MTMR7: variants seen among roughly 807,000 people sequenced by gnomAD.
MTMR7 encodes phosphatidylinositol-3-phosphate phosphatase MTMR7.
A neutral mutation model predicts 81.2 loss-of-function variants in MTMR7; 76 were observed. The ratio of observed to expected loss-of-function variants is 0.94; its 90% CI spans 0.78 to 1.13. The LOEUF is 1.13. Among genes scored for constraint, MTMR7 ranks in the 50% most tolerant of loss-of-function variants. The pLI is 0.00. For missense variants in MTMR7, 1,044 were observed against 820.0 expected (o/e 1.27, Z -3.34); for synonymous variants, 372 against 289.8 (o/e 1.28, Z -2.88).
At chr8:17,375,704 T>C (rs1164329470) in intron 1 of MTMR7, among the ~76,000 whole-genome samples, 2 of 152,188 alleles carry the variant, frequency 1.3e-5, no homozygotes, top group Non-Finnish European at 2.9e-5. Context: ...TACCAAACTT[T>C]TAAAAATTAA....
intron 1 of MTMR7, among the ~76,000 whole-genome samples, chr8:17,382,731 A>G (rs1306334668): frequency 6.6e-6 from 1 of 152,228 alleles, no homozygotes; most frequent in East Asian, 1.9e-4. Context: ...AGACCACTAC[A>G]GTAATGAGAA....
chr8:17,338,933 G>A (rs1819331677), intron 6 of MTMR7: 1 of 151,312 alleles, frequency 6.6e-6, no homozygotes, highest in African/African-American at 2.4e-5. Context: ...TGTGTGCTTT[G>A]CTCCGAAGAA....
chr8:17,301,114 A>C (rs1323372187), intron 13 of MTMR7, among the ~76,000 whole-genome samples: 1 of 152,244 alleles, frequency 6.6e-6, no homozygotes, highest in Non-Finnish European at 1.5e-5. Context: ...AGTATTATGT[A>C]TTCATTCAAA....
intron 13 of MTMR7, among the ~76,000 whole-genome samples, chr8:17,300,493 T>G (rs1238351515): frequency 6.6e-6 from 1 of 152,206 alleles, no homozygotes; most frequent in Non-Finnish European, 1.5e-5. Flanking sequence ...CAGTGAACCC[T>G]AGTCTCCCTC....
intron 7 of MTMR7, among the ~76,000 whole-genome samples, chr8:17,327,269 A>G (rs142510646): frequency 2.0e-5 from 3 of 152,128 alleles, no homozygotes; most frequent in African/African-American, 4.8e-5. Context: ...AGGCATGTCT[A>G]TATCTTATTT....
rs1036921024 is a variant in MTMR7 at position 17,297,392 on chromosome 8, G to A, written c.*2470C>T. The A allele has an allele frequency of 1.3e-5, 2 of 152,022 alleles. No individual in the cohort carries two copies. The highest frequency in any genetic ancestry group is 4.8e-5 in the African/African-American group (2 of 41,414). The allele number at this position is 152,022 out of a possible 1,614,324, so 9.4% of individuals were successfully genotyped here. On this transcript the variant is annotated 3_prime_UTR_variant, in exon 14 of 14. Coordinates refer to ENST00000180173, the MANE Select transcript of MTMR7 (RefSeq NM_004686.5). ...TAGAGGGTGCTTGACACATATATAT[G>A]CTTAAATTGAAGGACAGCTCAGATT...
At chr8:17,399,577 A>G (rs538696703) in intron 1 of MTMR7, among the ~76,000 whole-genome samples, 1 of 152,306 alleles carries the variant, frequency 6.6e-6, no homozygotes, top group East Asian at 1.9e-4. Context: ...CAAATTCAAT[A>G]CAATCCCTAT....
At chr8:17,343,198 G>C (rs186548764) in intron 5 of MTMR7, among the ~76,000 whole-genome samples, 5 of 152,134 alleles carry the variant, frequency 3.3e-5, no homozygotes, top group East Asian at 1.9e-4. Context: ...AGGCCGAGGC[G>C]GGGGGATAAC....
intron 6 of MTMR7, among the ~76,000 whole-genome samples, chr8:17,338,270 C>T (rs1169555665): frequency 6.6e-6 from 1 of 152,216 alleles, no homozygotes; most frequent in Admixed American, 6.5e-5. Context: ...CCCTTCAAAT[C>T]AAATCCTTTG....
Position 17,366,887 on chromosome 8 carries a change from A to AAAAAAACAAACAAAC in MTMR7, c.310+4149_310+4150insGTTTGTTTGTTTTTT, listed in dbSNP as rs1554515172. Among the ~76,000 whole-genome samples the AAAAAAACAAACAAAC allele has an allele frequency of 2.0e-4, 29 of 146,118 alleles. 1 individual carries two copies. The highest frequency in any genetic ancestry group is 6.8e-4 in the African/African-American group (27 of 39,468). On this transcript the variant is annotated intron_variant, in intron 3 of 13. Coordinates refer to ENST00000180173, the MANE Select transcript of MTMR7 (RefSeq NM_004686.5). ...GATGACAGAGCGAGACTCCATCTCA[A>AAAAAAACAAACAAAC]AAAAAAAAAAACTGTAGCTGAAAAA...
At chr8:17,341,308 G>A (rs776848959) in intron 6 of MTMR7, 55 bp downstream of exon 6, 57 of 1,603,616 alleles carry the variant, frequency 3.6e-5, no homozygotes, top group Middle Eastern at 1.7e-4. Flanking sequence ...GCCTTTGCCT[G>A]TCTCCAGTTT....
chr8:17,335,226 G>A (rs1392538726), intron 6 of MTMR7, among the ~76,000 whole-genome samples: 3 of 152,184 alleles, frequency 2.0e-5, no homozygotes, highest in East Asian at 1.9e-4. Context: ...CAGGCTCCAC[G>A]AGGGGCCCTG....
intron 7 of MTMR7, among the ~76,000 whole-genome samples, chr8:17,322,186 G>A (rs2051663): frequency 0.41 from 61,878 of 151,942 alleles, 14,134 homozygotes; most frequent in East Asian, 0.74. Context: ...AGATCCATAA[G>A]ACAGTCTTCA....
chr8:17,331,668 G>C (rs747607113), intron 6 of MTMR7, among the ~76,000 whole-genome samples: 25 of 152,174 alleles, frequency 1.6e-4, no homozygotes, highest in Non-Finnish European at 3.1e-4. Context: ...AGCAGAAACA[G>C]CTGTCAAAAT....
chr8:17,337,760 C>G (rs992241100), intron 6 of MTMR7, among the ~76,000 whole-genome samples: 6 of 152,168 alleles, frequency 3.9e-5, no homozygotes, highest in Non-Finnish European at 8.8e-5. Flanking sequence ...GGACTACAGG[C>G]CCATGCCACC....
At position 17,297,467 on chromosome 8, in the gene MTMR7, T is replaced by TTATTC. The variant is rs1287226946; in HGVS notation, c.*2390_*2394dup. 1 of 151,750 alleles carries TTATTC rather than the reference T, an allele frequency of 6.6e-6. No individual in the cohort carries two copies. Among genetic ancestry groups the TTATTC allele is most frequent in the East Asian group, 1.9e-4 (1 of 5,200 alleles). 9.4% of individuals were successfully genotyped at this position (151,750 alleles called of 1,614,324 possible). ...TAATGTGCTCTTAAAGAATAAAAAT[T>TTATTC]TATTCTATGGTTTCTGTCTCTGATC... is the stretch of plus-strand genomic sequence containing the variant. On this transcript the variant is annotated 3_prime_UTR_variant, in exon 14 of 14. Transcript: ENST00000180173.
intron 3 of MTMR7, 112 bp from the exon 4 acceptor site, chr8:17,361,386 C>G: frequency 9.1e-7 from 1 of 1,095,086 alleles, no homozygotes; most frequent in African/African-American, 1.5e-5. Flanking sequence ...TCCCAACCCC[C>G]ACCCCCAGCA....
chr8:17,339,704 A>G (rs1819350443), intron 6 of MTMR7, among the ~76,000 whole-genome samples: 1 of 152,248 alleles, frequency 6.6e-6, no homozygotes, highest in African/African-American at 2.4e-5. Flanking sequence ...TAATGAACAA[A>G]TATTCACATA....
At chr8:17,402,405 G>A (rs769620645) in intron 1 of MTMR7, among the ~76,000 whole-genome samples, 1 of 151,980 alleles carries the variant, frequency 6.6e-6, no homozygotes, top group African/African-American at 2.4e-5. Context: ...ACCTGCCCCA[G>A]ACCCCACTAC....
Sources: gnomAD v4.1 joint callset for allele counts (sites outside exome capture counted in the v4.1 genomes callset) on GRCh38, gnomAD v4.1.1 for gene constraint, MANE v1.5 for transcripts, NCBI Gene and HGNC (gene_info 2026-07-23, HGNC 2026-07-21) for gene names.